MALRD1: variants seen among roughly 807,000 people sequenced by gnomAD.
The protein encoded by MALRD1 is MAM and LDL-receptor class A domain-containing protein 1.
MALRD1 carries 247 observed loss-of-function variants against 242.1 expected under a neutral mutation model. The ratio of observed to expected loss-of-function variants is 1.02; its 90% CI spans 0.92 to 1.13. MALRD1 has a LOEUF of 1.13. Among genes scored for constraint, MALRD1 ranks in the 50% most tolerant of loss-of-function variants. The pLI, the probability that MALRD1 is intolerant of heterozygous loss-of-function variation, is 0.00. For synonymous variants in MALRD1, 995 were observed against 866.6 expected (o/e 1.15, Z -2.60); for missense variants, 2,989 against 2,533.1 (o/e 1.18, Z -3.86).
At chr10:19,387,494 T>G in intron 26 of MALRD1, 34 bp from the exon 27 acceptor site, 1 of 1,540,012 alleles carries the variant, frequency 6.5e-7, no homozygotes, top group Non-Finnish European at 8.8e-7. Context: ...TTAGGAGTGT[T>G]CGCTCATTCT....
At chr10:19,451,872 T>C (rs891944429) in intron 29 of MALRD1, among the ~76,000 whole-genome samples, 1 of 152,178 alleles carries the variant, frequency 6.6e-6, no homozygotes, top group African/African-American at 2.4e-5. Flanking sequence ...AATTATGTGT[T>C]TCATACCATG....
chr10:19,633,840 CTTTT>C (rs1041174965), intron 36 of MALRD1: 3 of 126,560 alleles, frequency 2.4e-5, no homozygotes, highest in Non-Finnish European at 3.3e-5. Context: ...TCTTTTCTTT[CTTTT>C]TTTTTTTTTT....
intron 18 of MALRD1, among the ~76,000 whole-genome samples, chr10:19,228,302 C>G (rs917953467): frequency 1.3e-5 from 2 of 152,062 alleles, no homozygotes; most frequent in African/African-American, 2.4e-5. Flanking sequence ...ATGAAAGACA[C>G]CAATGTATCA....
Position 19,155,083 on chromosome 10 carries a change from A to G in MALRD1, c.1567A>G (p.Ile523Val). ...HTANINHGSF[I>V]YLEAQRSPGV... ...TCCCTTTGTTTTTTCAGGATCGTTTATTTATTTGGAGGCACAGCGCTCCCC... is the reference window on the plus strand; with the variant it reads ...TCCCTTTGTTTTTTCAGGATCGTTTGTTTATTTGGAGGCACAGCGCTCCCC... The change falls in exon 12 of 40, where the codon ATT becomes GTT. Residue 523 changes from isoleucine (I) to valine (V), a missense_variant. By Grantham distance (29) the Ile-to-Val change is conservative. Transcript: ENST00000454679. The G allele has an allele frequency of 8.1e-7, 1 of 1,231,382 alleles. No homozygotes were observed. The highest frequency in any genetic ancestry group is 1.0e-6 in the Non-Finnish European group (1 of 987,770). 76.3% of individuals were successfully genotyped at this position (1,231,382 alleles called of 1,614,324 possible).
At chr10:19,319,291 T>C (rs1173306479) in intron 21 of MALRD1, among the ~76,000 whole-genome samples, 1 of 152,164 alleles carries the variant, frequency 6.6e-6, no homozygotes, top group African/African-American at 2.4e-5. Flanking sequence ...CTACCTGGAA[T>C]TTATTATTTT....
chr10:19,330,931 T>G (rs7894730), intron 23 of MALRD1, among the ~76,000 whole-genome samples: 2 of 152,014 alleles, frequency 1.3e-5, no homozygotes, highest in African/African-American at 4.8e-5. Context: ...AGAGATCTGA[T>G]GAATGACAAG....
At chr10:19,494,182 C>T (rs193074545) in intron 30 of MALRD1, among the ~76,000 whole-genome samples, 180 of 152,298 alleles carry the variant, frequency 1.2e-3, no homozygotes, top group Non-Finnish European at 1.0e-3. Flanking sequence ...ACTTTGCTAG[C>T]ATACCCTCCA....
At position 19,101,343 on chromosome 10, in the gene MALRD1, TATATA is replaced by T. The variant is rs376842720; in HGVS notation, c.598-2630_598-2626del. On this transcript the variant is annotated intron_variant, in intron 4 of 39. Coordinates refer to ENST00000454679, the MANE Select transcript of MALRD1 (RefSeq NM_001142308.3). ...TATTTTGAATCAAACTACTTGGATA[TATATA>T]ATATATGTAATTATATATTATATAT... Among the ~76,000 whole-genome samples the T allele has an allele frequency of 6.1e-3, 883 of 144,966 alleles. 9 individuals carry two copies. Among genetic ancestry groups the T allele is most frequent in the African/African-American group, 0.019 (759 of 39,864 alleles).
chr10:19,625,819 CATCAGCTAA>C (rs1396764891), intron 36 of MALRD1, among the ~76,000 whole-genome samples: 1 of 152,128 alleles, frequency 6.6e-6, no homozygotes, highest in East Asian at 1.9e-4. Flanking sequence ...GCATATTTAA[CATCAGCTAA>C]ATCATCTCCG....
At chr10:19,207,128 C>G (rs535847024) in intron 17 of MALRD1, among the ~76,000 whole-genome samples, 1 of 152,032 alleles carries the variant, frequency 6.6e-6, no homozygotes, top group African/African-American at 2.4e-5. Flanking sequence ...AGTATTTGTT[C>G]ACTTTTGGCA....
chr10:19,068,204 T>C (rs921525525), intron 2 of MALRD1, among the ~76,000 whole-genome samples: 4 of 152,080 alleles, frequency 2.6e-5, no homozygotes, highest in Non-Finnish European at 4.4e-5. Context: ...CGGTGGCTCT[T>C]ACTGAATTCC....
intron 32 of MALRD1, among the ~76,000 whole-genome samples, chr10:19,547,993 CT>C (rs765509925): frequency 0.031 from 2,014 of 65,726 alleles, 54 homozygotes; most frequent in African/African-American, 0.16. Flanking sequence ...TATCACTATA[CT>C]TTTTTTTTTT....
chr10:19,353,267 G>A (rs533702222), intron 26 of MALRD1, among the ~76,000 whole-genome samples: 4 of 151,976 alleles, frequency 2.6e-5, no homozygotes, highest in Admixed American at 2.0e-4. Flanking sequence ...TTGGCCTCCC[G>A]AAGTACTGGG....
At chr10:19,640,183 A>T (rs1840319543) in intron 36 of MALRD1, among the ~76,000 whole-genome samples, 1 of 151,966 alleles carries the variant, frequency 6.6e-6, no homozygotes, top group Non-Finnish European at 1.5e-5. Flanking sequence ...TCCACCTCCC[A>T]GGTTCAAGCT....
At chr10:19,697,509 CG>C (rs1833435374) in intron 38 of MALRD1, among the ~76,000 whole-genome samples, 1 of 151,806 alleles carries the variant, frequency 6.6e-6, no homozygotes, top group Admixed American at 6.6e-5. Context: ...ACCAAACAAT[CG>C]GGCATCATAG....
intron 12 of MALRD1, among the ~76,000 whole-genome samples, chr10:19,161,004 T>C (rs1834371014): frequency 6.6e-6 from 1 of 151,910 alleles, no homozygotes; most frequent in African/African-American, 2.4e-5. Context: ...CATTACTGGG[T>C]ATATACCCAA....
At chr10:19,251,184 C>A (rs527860559) in intron 18 of MALRD1, among the ~76,000 whole-genome samples, 1 of 152,066 alleles carries the variant, frequency 6.6e-6, no homozygotes, top group South Asian at 2.1e-4. Flanking sequence ...GATCGTAATG[C>A]TTCCACAAAT....
At position 19,387,706 on chromosome 10, in the gene MALRD1, G is replaced by T. The variant is rs893354998; in HGVS notation, c.4620G>T (p.Trp1540Cys). The T allele has an allele frequency of 6.5e-7, 1 of 1,550,252 alleles. No individual in the cohort carries two copies. Among genetic ancestry groups the T allele is most frequent in the African/African-American group, 1.4e-5 (1 of 73,020 alleles). The change falls in exon 27 of 40, where the codon TGG (tryptophan) becomes TGT (cysteine). Residue 1540 changes from tryptophan (W) to cysteine (C), a missense_variant. Physicochemically the swap from Trp to Cys is radical, Grantham distance 215 (BLOSUM62 -2). Transcript: ENST00000454679. ...WQNSQADNFD[W>C]VLGVGSHQSL... is the part of the protein sequence containing the mutation. ...ACTCCCAGGCTGACAACTTTGATTG[G>T]GTTTTAGGGGTTGGCTCTCATCAAA...
chr10:19,538,722 G>T (rs1324288128), intron 32 of MALRD1, among the ~76,000 whole-genome samples: 1 of 151,608 alleles, frequency 6.6e-6, no homozygotes, highest in African/African-American at 2.4e-5. Context: ...AAAGGAAAAT[G>T]AATAGGTAAC....
Sources: allele counts gnomAD v4.1 joint callset (sites outside exome capture counted in the v4.1 genomes callset), GRCh38; gene constraint gnomAD v4.1.1; transcripts MANE v1.5; gene names NCBI Gene and HGNC (gene_info 2026-07-23, HGNC 2026-07-21).